TXK: variants seen among roughly 807,000 people sequenced by gnomAD.
TXK encodes TXK tyrosine kinase.
TXK carries 60 observed loss-of-function variants against 81.0 expected under a neutral mutation model. That is an observed-to-expected ratio of 0.74 (90% CI 0.60 to 0.92). The LOEUF (loss-of-function observed/expected upper bound fraction) is 0.92. Ranked by LOEUF, TXK falls within the 40% of genes least tolerant of loss-of-function variation. The probability of loss-of-function intolerance (pLI) is 0.00; values close to 1 mark genes in which losing one functional copy is unlikely to be tolerated. For missense variants in TXK, 581 were observed against 638.3 expected, an observed-to-expected ratio of 0.91 and a Z score of 0.97; for synonymous variants, 203 against 210.7, an observed-to-expected ratio of 0.96 and a Z score of 0.32.
At position 48,132,310 on chromosome 4, in the gene TXK, C is replaced by G. The variant is rs74810792; in HGVS notation, c.16+1845G>C. Among the ~76,000 whole-genome samples the G allele has an allele frequency of 2.8e-3, 432 of 152,174 alleles. 4 individuals carry two copies. The highest frequency in any genetic ancestry group is 0.01 in the African/African-American group (418 of 41,512). ...ATCTGCAAAATAAGGCCCTCTGAGT[C>G]TTAGAGGTAAATTAATAAGTATTTC... On this transcript the variant is annotated intron_variant, in intron 1 of 14. Coordinates refer to ENST00000264316, the MANE Select transcript of TXK (RefSeq NM_003328.3).
intron 1 of TXK, among the ~76,000 whole-genome samples, chr4:48,121,482 A>G (rs1355268625): frequency 2.0e-5 from 3 of 152,198 alleles, no homozygotes; most frequent in Non-Finnish European, 4.4e-5. Context: ...CCCAGTGTCC[A>G]TGGGAGATTG....
chr4:48,124,125 C>G (rs544826743), intron 1 of TXK, among the ~76,000 whole-genome samples: 21 of 152,294 alleles, frequency 1.4e-4, no homozygotes, highest in African/African-American at 5.1e-4. Context: ...TAGGCTTCAT[C>G]TCTCACAGGG....
chr4:48,075,142 A>G (rs1367262201), intron 12 of TXK, among the ~76,000 whole-genome samples: 2 of 152,128 alleles, frequency 1.3e-5, no homozygotes, highest in African/African-American at 4.8e-5. Context: ...TCAGTGGGTT[A>G]GGGTCCTGTA....
chr4:48,103,258 C>T (rs1219755624), intron 6 of TXK, among the ~76,000 whole-genome samples: 1 of 152,170 alleles, frequency 6.6e-6, no homozygotes, highest in African/African-American at 2.4e-5. Context: ...CTGTGGACCT[C>T]CTCTGGGACT....
intron 1 of TXK, among the ~76,000 whole-genome samples, chr4:48,133,225 G>GT (rs1719292384): frequency 2.1e-4 from 4 of 19,248 alleles, no homozygotes; most frequent in African/African-American, 5.4e-4. Flanking sequence ...TATTCTGCTT[G>GT]GTTTTTTTTT....
intron 1 of TXK, among the ~76,000 whole-genome samples, chr4:48,130,587 T>C (rs1389961231): frequency 1.3e-5 from 2 of 152,126 alleles, no homozygotes; most frequent in African/African-American, 4.8e-5. Flanking sequence ...TACCATATTC[T>C]AATCACAAGA....
intron 2 of TXK, among the ~76,000 whole-genome samples, chr4:48,113,923 G>A (rs1403263854): frequency 6.6e-6 from 1 of 152,092 alleles, no homozygotes; most frequent in Non-Finnish European, 1.5e-5. Flanking sequence ...AGCTTTTTCT[G>A]TTAACATGCT....
chr4:48,089,621 A>G, intron 9 of TXK, 129 bp downstream of exon 9: 2 of 691,644 alleles, frequency 2.9e-6, no homozygotes, highest in Non-Finnish European at 5.2e-6. Context: ...TGAACGCCTG[A>G]CCTAAGGTGA....
intron 1 of TXK, among the ~76,000 whole-genome samples, chr4:48,119,036 T>C (rs933933862): frequency 1.3e-5 from 2 of 152,104 alleles, no homozygotes; most frequent in African/African-American, 4.8e-5. Flanking sequence ...GAGAGTAAAA[T>C]AGAGCAGAGA....
At chr4:48,081,774 G>C (rs1717308625) in intron 10 of TXK, among the ~76,000 whole-genome samples, 1 of 151,962 alleles carries the variant, frequency 6.6e-6, no homozygotes, top group Non-Finnish European at 1.5e-5. Flanking sequence ...TAAATAACAG[G>C]CTTCTCAAAT....
At chr4:48,111,510 G>A (rs1016637364) in intron 4 of TXK, among the ~76,000 whole-genome samples, 1 of 152,134 alleles carries the variant, frequency 6.6e-6, no homozygotes, top group Non-Finnish European at 1.5e-5. Context: ...TTTTAAGTCT[G>A]AGGCATGCCA....
intron 1 of TXK, among the ~76,000 whole-genome samples, chr4:48,120,207 G>T (rs1378003244): frequency 1.1e-5 from 1 of 91,654 alleles, no homozygotes; most frequent in Non-Finnish European, 3.0e-5. Flanking sequence ...ACATATATAC[G>T]TATATATGTA....
chr4:48,079,835 G>T, intron 11 of TXK, 77 bp downstream of exon 11: 2 of 958,940 alleles, frequency 2.1e-6, no homozygotes, highest in Non-Finnish European at 3.3e-6. Context: ...ATTATTCAAA[G>T]TATTGAAAGT....
At chr4:48,101,000 T>G (rs562321515) in intron 6 of TXK, among the ~76,000 whole-genome samples, 1 of 152,068 alleles carries the variant, frequency 6.6e-6, no homozygotes, top group Non-Finnish European at 1.5e-5. Flanking sequence ...AACTTACTTG[T>G]GTATGTATTA....
chr4:48,117,974 G>T (rs1487825515), intron 1 of TXK, among the ~76,000 whole-genome samples: 2 of 152,130 alleles, frequency 1.3e-5, no homozygotes, highest in Non-Finnish European at 2.9e-5. Context: ...GGGTCATCTT[G>T]TCAATCTCTG....
intron 6 of TXK, among the ~76,000 whole-genome samples, chr4:48,097,639 T>C (rs1718032376): frequency 6.6e-6 from 1 of 151,810 alleles, no homozygotes; most frequent in Non-Finnish European, 1.5e-5. Context: ...GGTTTCATCA[T>C]GTTGGCCAGG....
chr4:48,120,647 T>C (rs1381690872), intron 1 of TXK, among the ~76,000 whole-genome samples: 1 of 152,064 alleles, frequency 6.6e-6, no homozygotes, highest in African/African-American at 2.4e-5. Flanking sequence ...CCTGTCACCA[T>C]GCCCGGCTAA....
At chr4:48,120,983 A>G (rs1032061568) in intron 1 of TXK, among the ~76,000 whole-genome samples, 17 of 152,146 alleles carry the variant, frequency 1.1e-4, no homozygotes, top group African/African-American at 3.9e-4. Context: ...CAGCATTGGT[A>G]CCATATCCCT....
Position 48,114,041 on chromosome 4 carries a change from A to C in TXK, c.71+307T>G, listed in dbSNP as rs1024756318. 3.9e-5 allele frequency among the ~76,000 whole-genome samples: 6 copies of C among 152,322 alleles called. No homozygotes were observed. The East Asian group carries it at 7.7e-4, about 20-fold the overall frequency. On this transcript the variant is annotated intron_variant, in intron 2 of 14. Transcript: ENST00000264316. ...AGATAGGATTCTTGCCCTTAAAGGG[A>C]AAAAATACGTATTGGAGCACAGACC...
Sources: gnomAD v4.1 joint callset for allele counts (sites outside exome capture counted in the v4.1 genomes callset) on GRCh38, gnomAD v4.1.1 for gene constraint, MANE v1.5 for transcripts, NCBI Gene and HGNC (gene_info 2026-07-23, HGNC 2026-07-21) for gene names.